The following L3MBTL4 variants were observed in gnomAD, a reference collection of about 807,000 sequenced individuals.
L3MBTL4 encodes the protein L3MBTL histone methyl-lysine binding protein 4.
L3MBTL4 carries 70 observed loss-of-function variants against 84.5 expected under a neutral mutation model. The ratio of observed to expected loss-of-function variants is 0.83; its 90% CI spans 0.68 to 1.01. The LOEUF is 1.01. L3MBTL4 is among the 50% of genes least tolerant of loss of function. The pLI is 0.00. For synonymous variants in L3MBTL4, 274 were observed against 259.8 expected (o/e 1.05, Z -0.52); for missense variants, 715 against 754.8 (o/e 0.95, Z 0.62).
At chr18:6,060,392 T>A (rs529180584) in intron 16 of L3MBTL4, among the ~76,000 whole-genome samples, 18 of 144,466 alleles carry the variant, frequency 1.2e-4, no homozygotes, top group African/African-American at 4.3e-4. Context: ...CGCAATCAGC[T>A]TTTTTTTTTT....
chr18:6,392,629 A>G (rs1189847483), intron 1 of L3MBTL4, among the ~76,000 whole-genome samples: 1 of 152,242 alleles, frequency 6.6e-6, no homozygotes, highest in Non-Finnish European at 1.5e-5. Context: ...TTCTCACCCT[A>G]TACAAAAATC....
intron 16 of L3MBTL4, among the ~76,000 whole-genome samples, chr18:6,063,572 AG>A (rs2057306708): frequency 6.6e-6 from 1 of 151,368 alleles, no homozygotes; most frequent in South Asian, 2.1e-4. Context: ...TGCAGGAGTA[AG>A]GTGGTATCTC....
intron 16 of L3MBTL4, among the ~76,000 whole-genome samples, chr18:6,051,576 C>A (rs1481485288): frequency 6.6e-6 from 1 of 151,548 alleles, no homozygotes; most frequent in Non-Finnish European, 1.5e-5. Context: ...GGGCAGCAAG[C>A]TTGATTTGCT....
intron 16 of L3MBTL4, among the ~76,000 whole-genome samples, chr18:5,981,599 T>C (rs1017232552): frequency 2.4e-4 from 37 of 151,838 alleles, no homozygotes; most frequent in Non-Finnish European, 4.4e-4. Flanking sequence ...GAGGATCCCT[T>C]GAAACCAGGA....
intron 16 of L3MBTL4, among the ~76,000 whole-genome samples, chr18:5,980,048 C>T (rs1403588108): frequency 6.6e-6 from 1 of 152,208 alleles, no homozygotes; most frequent in African/African-American, 2.4e-5. Flanking sequence ...GCACAGAAAG[C>T]TGCCTTGTCC....
chr18:6,174,471 G>A (rs887929283), intron 12 of L3MBTL4, among the ~76,000 whole-genome samples: 2 of 152,120 alleles, frequency 1.3e-5, no homozygotes, highest in Non-Finnish European at 2.9e-5. Context: ...ATTGCTGGAT[G>A]ACAATATTAT....
At chr18:6,316,003 A>G (rs977035728) in intron 1 of L3MBTL4, among the ~76,000 whole-genome samples, 20 of 151,662 alleles carry the variant, frequency 1.3e-4, no homozygotes, top group African/African-American at 4.9e-4. Context: ...GGTTGTCTGC[A>G]GCTCAGAACT....
intron 15 of L3MBTL4, among the ~76,000 whole-genome samples, chr18:6,090,923 G>C (rs1321989717): frequency 5.9e-5 from 9 of 151,812 alleles, no homozygotes; most frequent in Non-Finnish European, 1.5e-5. Context: ...AGAGCTCAAT[G>C]GTGGATGGCT....
At chr18:6,114,960 C>T (rs1178112773) in intron 14 of L3MBTL4, among the ~76,000 whole-genome samples, 5 of 152,072 alleles carry the variant, frequency 3.3e-5, no homozygotes, top group Admixed American at 1.3e-4. Context: ...GAGAACACAG[C>T]GGAAGGGCAG....
intron 1 of L3MBTL4, among the ~76,000 whole-genome samples, chr18:6,408,267 A>G (rs981264032): frequency 1.3e-5 from 2 of 152,236 alleles, no homozygotes; most frequent in Non-Finnish European, 2.9e-5. Flanking sequence ...GATCAGCAGC[A>G]ATAAGAAGCC....
intron 12 of L3MBTL4, among the ~76,000 whole-genome samples, chr18:6,172,630 C>G (rs1172937926): frequency 6.6e-6 from 1 of 152,148 alleles, no homozygotes; most frequent in Non-Finnish European, 1.5e-5. Flanking sequence ...GATAATTTAT[C>G]TTGCATCTTA....
intron 10 of L3MBTL4, among the ~76,000 whole-genome samples, chr18:6,220,152 T>C (rs1164417793): frequency 6.6e-6 from 1 of 152,122 alleles, no homozygotes; most frequent in East Asian, 1.9e-4. Context: ...TTCTGGAGGA[T>C]GCAAATATGG....
intron 12 of L3MBTL4, among the ~76,000 whole-genome samples, chr18:6,197,998 G>A (rs1057331733): frequency 2.0e-5 from 3 of 152,120 alleles, no homozygotes; most frequent in Admixed American, 6.5e-5. Flanking sequence ...CTTTCAGTGC[G>A]TCTTAATTCA....
intron 4 of L3MBTL4, among the ~76,000 whole-genome samples, chr18:6,298,464 T>A (rs2050196455): frequency 6.6e-6 from 1 of 152,244 alleles, no homozygotes; most frequent in Admixed American, 6.5e-5. Flanking sequence ...TAGTTTGTTG[T>A]TTCCCTTTTA....
At chr18:6,331,307 A>C (rs2052019802) in intron 1 of L3MBTL4, among the ~76,000 whole-genome samples, 1 of 152,172 alleles carries the variant, frequency 6.6e-6, no homozygotes, top group African/African-American at 2.4e-5. Context: ...CCCCATTAAA[A>C]CACTGTTGGA....
intron 4 of L3MBTL4, among the ~76,000 whole-genome samples, chr18:6,290,158 C>T (rs917808354): frequency 2.0e-5 from 3 of 152,158 alleles, no homozygotes; most frequent in African/African-American, 7.2e-5. Context: ...TCAAACGATC[C>T]TACCACCTGG....
rs1225425240 is a variant in L3MBTL4 at position 6,213,142 on chromosome 18, T to C, written c.981+7A>G. ...GATATAATAACATAATAATTTAAAA[T>C]ATGTACCTTTACTCTTTGGTCATCA... On this transcript the variant is annotated splice_region_variant and intron_variant, in intron 12 of 18. Coordinates refer to ENST00000317931, the MANE Select transcript of L3MBTL4 (RefSeq NM_001330559.2). 7.4e-6 allele frequency: 11 copies of C among 1,483,328 alleles called. No individual in the cohort carries two copies. The highest frequency in any genetic ancestry group is 1.0e-5 in the Non-Finnish European group (11 of 1,084,958). 91.9% of individuals were successfully genotyped at this position (1,483,328 alleles called of 1,614,324 possible).
Position 6,185,079 on chromosome 18 carries a change from T to A in L3MBTL4, c.982-13137A>T, listed in dbSNP as rs140463819. On this transcript the variant is annotated intron_variant, in intron 12 of 18. Transcript: ENST00000317931. ...TTTTGTTGTTGAAGGGTAAATTTGA[T>A]GAATTCCATTTTGATCATATTAAAT... Among the ~76,000 whole-genome samples, 75 of 152,346 alleles carry A rather than the reference T, an allele frequency of 4.9e-4. No homozygotes were observed. The East Asian group carries it at 0.012, about 24-fold the overall frequency.
chr18:6,191,729 T>C (rs1598324), intron 12 of L3MBTL4, among the ~76,000 whole-genome samples: 12,007 of 152,124 alleles, frequency 0.079, 1,596 homozygotes, highest in African/African-American at 0.27. Context: ...TGGTTCACAC[T>C]TATAATCCCA....
Sources: gnomAD v4.1 joint callset for allele counts (sites outside exome capture counted in the v4.1 genomes callset) on GRCh38, gnomAD v4.1.1 for gene constraint, MANE v1.5 for transcripts, NCBI Gene and HGNC (gene_info 2026-07-23, HGNC 2026-07-21) for gene names.